The following RELCH variants were observed in gnomAD, a reference collection of about 807,000 sequenced individuals.
RELCH encodes RAB11 binding and LisH domain, coiled-coil and HEAT repeat containing.
RELCH carries 41 observed loss-of-function variants against 150.3 expected under a neutral mutation model. The observed-to-expected ratio is 0.27, with a 90% CI of 0.21 to 0.35. RELCH has a LOEUF of 0.35. Ranked by LOEUF, RELCH falls within the 10% of genes least tolerant of loss-of-function variation. RELCH has a pLI of 1.00. For synonymous variants in RELCH, 478 were observed against 531.8 expected, an observed-to-expected ratio of 0.90 and a Z score of 1.39; for missense variants, 1,092 against 1,467.8, an observed-to-expected ratio of 0.74 and a Z score of 4.18.
At position 62,232,412 on chromosome 18, in the gene RELCH, A is replaced by G. The variant is rs757952760; in HGVS notation, c.1605A>G (p.Leu535=). ...RCLPHIVPNV[L]LAKREELIPL... ...TGCCACACATTGTTCCCAATGTGCT[A>G]TTGGCAAAGAGAGAGGTAAGACACA... The change falls in exon 10 of 29, where the codon CTA becomes CTG. Residue 535 remains leucine, a synonymous_variant. Coordinates refer to ENST00000644646, the MANE Select transcript of RELCH (RefSeq NM_001346231.2). 6.2e-6 allele frequency: 10 copies of G among 1,605,338 alleles called. No homozygotes were observed. In the Admixed American group the frequency reaches 8.4e-5, roughly 13 times the overall value.
intron 10 of RELCH, among the ~76,000 whole-genome samples, chr18:62,232,753 C>T (rs879372994): frequency 6.6e-6 from 1 of 151,880 alleles, no homozygotes; most frequent in Non-Finnish European, 1.5e-5. Context: ...TATCTGTGCT[C>T]TTGGTATGAT....
intron 27 of RELCH, among the ~76,000 whole-genome samples, chr18:62,294,671 AATT>A (rs2045317726): frequency 6.6e-6 from 1 of 152,172 alleles, no homozygotes; most frequent in Non-Finnish European, 1.5e-5. Flanking sequence ...ACTGATTCTT[AATT>A]TTTTAATAGT....
intron 1 of RELCH, among the ~76,000 whole-genome samples, chr18:62,201,216 G>A (rs1390848416): frequency 4.0e-5 from 6 of 151,880 alleles, no homozygotes; most frequent in African/African-American, 7.2e-5. Flanking sequence ...CTTGTGATCC[G>A]CCTGCCTCGG....
chr18:62,221,492 G>T lies in RELCH; in HGVS notation c.853G>T (p.Asp285Tyr). ...TSITFSDEND[D>Y]QDFELWDDVG... ...AATAACCTTTTCAGATGAAAACGAT[G>T]ATCAGGTAAAGTTACTTTTTGTTTT... The change falls in exon 5 of 29, where the codon GAT becomes TAT. Residue 285 changes from aspartate (D) to tyrosine (Y), a missense_variant. By Grantham distance (160) the Asp-to-Tyr change is radical. Around this residue, in one of 4 missense-constraint regions of RELCH, gnomAD observed 190 missense variants for 276.2 expected, o/e 0.69. Coordinates refer to ENST00000644646, the MANE Select transcript of RELCH (RefSeq NM_001346231.2). 2.1e-6 allele frequency: 3 copies of T among 1,419,920 alleles called. No homozygotes were observed. The highest frequency in any genetic ancestry group is 1.3e-5 in the South Asian group (1 of 75,190). 88.0% of individuals were successfully genotyped at this position (1,419,920 alleles called of 1,614,324 possible).
At chr18:62,190,293 C>T (rs1272581348) in intron 1 of RELCH, among the ~76,000 whole-genome samples, 1 of 152,122 alleles carries the variant, frequency 6.6e-6, no homozygotes, top group African/African-American at 2.4e-5. Context: ...AAATACAGAA[C>T]ATCGGCAGGG....
chr18:62,258,741 A>T, intron 15 of RELCH, 65 bp downstream of exon 15: 2 of 1,159,854 alleles, frequency 1.7e-6, no homozygotes, highest in Non-Finnish European at 2.4e-6. Flanking sequence ...GCCATCTTGG[A>T]ACAATGTTAG....
At chr18:62,264,679 CAG>C (rs748441457) in intron 17 of RELCH, 48 bp from the exon 18 acceptor site, 7 of 1,384,044 alleles carry the variant, frequency 5.1e-6, no homozygotes, top group Non-Finnish European at 7.0e-6. Context: ...GGCAAGGAAA[CAG>C]TAATTTATAT....
chr18:62,193,638 T>TA (rs1461866833), intron 1 of RELCH, among the ~76,000 whole-genome samples: 1 of 152,236 alleles, frequency 6.6e-6, no homozygotes, highest in African/African-American at 2.4e-5. Flanking sequence ...GTTTTTGTCT[T>TA]TAGTTCTGTT....
chr18:62,266,224 G>T (rs1256145101), intron 18 of RELCH, among the ~76,000 whole-genome samples: 1 of 151,764 alleles, frequency 6.6e-6, no homozygotes, highest in Non-Finnish European at 1.5e-5. Flanking sequence ...TGTAATAAAA[G>T]ATGAACATAA....
Position 62,228,596 on chromosome 18 carries a change from T to C in RELCH, c.1446T>C (p.Asn482=), listed in dbSNP as rs1432537417. The change falls in exon 8 of 29, where the codon AAT becomes AAC. Residue 482 remains asparagine (N), a splice_region_variant and synonymous_variant. Transcript: ENST00000644646. ...SKKTVHFDKP[N]RKLSPAFHQA... ...AGACAGTTCATTTTGATAAACCTAA[T>C]AGGTTAGTATGCATCCTATATTTTG... 3.1e-6 allele frequency: 5 copies of C among 1,599,928 alleles called. No homozygotes were observed. In the African/African-American group the frequency reaches 5.4e-5, roughly 17 times the overall value.
chr18:62,272,807 T>C (rs905908789), intron 20 of RELCH, among the ~76,000 whole-genome samples: 1 of 152,150 alleles, frequency 6.6e-6, no homozygotes. Context: ...TATTTCACAT[T>C]TAGGTTTTTC....
chr18:62,271,072 A>G (rs1463698698), intron 20 of RELCH, among the ~76,000 whole-genome samples: 2 of 152,296 alleles, frequency 1.3e-5, no homozygotes, highest in East Asian at 3.9e-4. Context: ...GTGTCTTTAT[A>G]GTAGTATGAT....
At chr18:62,304,048 G>A (rs1024422157) in intron 28 of RELCH, among the ~76,000 whole-genome samples, 2 of 152,166 alleles carry the variant, frequency 1.3e-5, no homozygotes, top group African/African-American at 4.8e-5. Context: ...TTCACTGTTA[G>A]AAAGAGAGGA....
chr18:62,257,190 G>A (rs1218980985), intron 13 of RELCH, among the ~76,000 whole-genome samples: 2 of 152,032 alleles, frequency 1.3e-5, no homozygotes, highest in South Asian at 4.1e-4. Context: ...GAGAGGAGGA[G>A]CATGAATTTG....
At chr18:62,279,250 G>T (rs908507774) in intron 22 of RELCH, among the ~76,000 whole-genome samples, 2 of 152,102 alleles carry the variant, frequency 1.3e-5, no homozygotes, top group African/African-American at 2.4e-5. Flanking sequence ...AAAAGAGAAG[G>T]CTATATTATT....
intron 25 of RELCH, among the ~76,000 whole-genome samples, chr18:62,283,211 C>A (rs771584112): frequency 6.6e-6 from 1 of 152,156 alleles, no homozygotes; most frequent in Admixed American, 6.5e-5. Context: ...CAGCACGATA[C>A]ATAACTTTGT....
chr18:62,265,856 A>G (rs927118379), intron 18 of RELCH, among the ~76,000 whole-genome samples: 1 of 152,058 alleles, frequency 6.6e-6, no homozygotes, highest in African/African-American at 2.4e-5. Context: ...AGCTAAATAT[A>G]TAAATTAATG....
intron 16 of RELCH, among the ~76,000 whole-genome samples, chr18:62,261,969 C>G (rs1220745510): frequency 6.6e-6 from 1 of 151,912 alleles, no homozygotes; most frequent in Non-Finnish European, 1.5e-5. Flanking sequence ...AGATCTGAGT[C>G]AACAAAAGAT....
chr18:62,212,048 C>T (rs1214947745), intron 2 of RELCH, among the ~76,000 whole-genome samples: 1 of 152,196 alleles, frequency 6.6e-6, no homozygotes, highest in Non-Finnish European at 1.5e-5. Flanking sequence ...CTTCCCATCC[C>T]CCCATCCTCT....
Sources: allele counts gnomAD v4.1 joint callset (sites outside exome capture counted in the v4.1 genomes callset), GRCh38; gene constraint gnomAD v4.1.1; regional missense constraint gnomAD v4.1.1; transcripts MANE v1.5; gene names NCBI Gene and HGNC (gene_info 2026-07-23, HGNC 2026-07-21).